Variants in LRRFIP1 observed in about 807,000 individuals in gnomAD.
LRRFIP1 encodes the protein leucine-rich repeat flightless-interacting protein 1.
Under a neutral mutation model 104.4 loss-of-function variants are expected in LRRFIP1, and 62 were observed. The ratio of observed to expected loss-of-function variants is 0.59; its 90% CI spans 0.48 to 0.73. The LOEUF is 0.73. Ranked by LOEUF, LRRFIP1 falls within the 30% of genes least tolerant of loss-of-function variation. The pLI, the probability that LRRFIP1 is intolerant of heterozygous loss-of-function variation, is 0.00. For missense variants in LRRFIP1, 796 were observed against 824.5 expected, an observed-to-expected ratio of 0.97 and a Z score of 0.42; for synonymous variants, 300 against 299.0, an observed-to-expected ratio of 1.00 and a Z score of -0.03.
At position 237,781,063 on chromosome 2, in the gene LRRFIP1, G is replaced by A. The variant is rs949726146; in HGVS notation, c.*1531G>A. Among the ~76,000 whole-genome samples the A allele has an allele frequency of 2.6e-5, 4 of 151,446 alleles. No individual in the cohort carries two copies. Among genetic ancestry groups the A allele is most frequent in the Admixed American group, 6.6e-5 (1 of 15,264 alleles). On this transcript the variant is annotated 3_prime_UTR_variant, in exon 24 of 24. Coordinates refer to ENST00000308482, the MANE Select transcript of LRRFIP1 (RefSeq NM_001137550.2). Reference sequence around the variant, plus strand: ...ACAGGAAAGAGGAAGGAAGCTGGACGAAGCCCCTCAGGGACCCTGTGCTGA... The same window carrying A: ...ACAGGAAAGAGGAAGGAAGCTGGACAAAGCCCCTCAGGGACCCTGTGCTGA...
At chr2:237,747,698 G>A (rs964810641) in intron 11 of LRRFIP1, among the ~76,000 whole-genome samples, 12 of 152,190 alleles carry the variant, frequency 7.9e-5, no homozygotes, top group Non-Finnish European at 1.5e-4. Context: ...CAATCAAAGT[G>A]AAGAAGTTCT....
intron 1 of LRRFIP1, among the ~76,000 whole-genome samples, chr2:237,639,197 C>G (rs1046510737): frequency 2.0e-4 from 31 of 152,056 alleles, no homozygotes; most frequent in African/African-American, 7.3e-4. Context: ...TGGGATGTGC[C>G]CCAGGGCTGA....
At chr2:237,761,733 C>T (rs2059891859) in intron 19 of LRRFIP1, among the ~76,000 whole-genome samples, 1 of 152,152 alleles carries the variant, frequency 6.6e-6, no homozygotes, top group Non-Finnish European at 1.5e-5. Context: ...CCTAATATTT[C>T]CCCCATTTTC....
chr2:237,710,839 A>G (rs972442158), intron 2 of LRRFIP1, among the ~76,000 whole-genome samples: 3 of 152,222 alleles, frequency 2.0e-5, no homozygotes, highest in African/African-American at 7.2e-5. Flanking sequence ...TGTGCAGTTT[A>G]AGAACCATCT....
chr2:237,748,031 A>C (rs951972541), intron 11 of LRRFIP1, among the ~76,000 whole-genome samples: 1 of 152,142 alleles, frequency 6.6e-6, no homozygotes, highest in African/African-American at 2.4e-5. Flanking sequence ...AGACACCCTC[A>C]TGGTGCAGGG....
chr2:237,708,901 C>A, intron 2 of LRRFIP1: 1 of 576,584 alleles, frequency 1.7e-6, no homozygotes. Context: ...TGCGAGGAGC[C>A]AAAATGTTCA....
rs2093748683 is a variant in LRRFIP1 at position 237,705,284 on chromosome 2, A to G, written c.97-3260A>G. Among the ~76,000 whole-genome samples, 3 of 152,176 alleles carry G rather than the reference A, an allele frequency of 2.0e-5. 1 individual carries two copies. In the South Asian group the frequency reaches 6.2e-4, roughly 32 times the overall value. The stretch of plus-strand genomic sequence containing the variant: ...ACCTCAGACCTCCTCTCCTTCTGTT[A>G]TCTGCTAGTGTGTAATAAATATCCA... On this transcript the variant is annotated intron_variant, in intron 1 of 23. Coordinates refer to ENST00000308482, the MANE Select transcript of LRRFIP1 (RefSeq NM_001137550.2).
intron 1 of LRRFIP1, among the ~76,000 whole-genome samples, chr2:237,706,739 C>T (rs1463384494): frequency 6.6e-6 from 1 of 152,190 alleles, no homozygotes; most frequent in Non-Finnish European, 1.5e-5. Context: ...GTGATCCTCC[C>T]ACCTCAGCCT....
chr2:237,665,516 C>T (rs190421357), intron 1 of LRRFIP1, among the ~76,000 whole-genome samples: 33 of 152,326 alleles, frequency 2.2e-4, no homozygotes, highest in African/African-American at 7.5e-4. Flanking sequence ...TTTTTATTAT[C>T]AGCAAAATAT....
chr2:237,747,098 G>C (rs541330811), intron 11 of LRRFIP1, among the ~76,000 whole-genome samples: 28 of 152,302 alleles, frequency 1.8e-4, no homozygotes, highest in Non-Finnish European at 3.4e-4. Context: ...GAGCCAGGCC[G>C]CAGGGTTTAG....
At chr2:237,706,987 A>G (rs2093843790) in intron 1 of LRRFIP1, among the ~76,000 whole-genome samples, 1 of 152,174 alleles carries the variant, frequency 6.6e-6, no homozygotes, top group South Asian at 2.1e-4. Context: ...AAATGGCAAC[A>G]AGGTATCAAA....
chr2:237,736,718 GA>G (rs1281546186), intron 10 of LRRFIP1, among the ~76,000 whole-genome samples: 1 of 152,184 alleles, frequency 6.6e-6, no homozygotes, highest in African/African-American at 2.4e-5. Context: ...AGAGAGTTAA[GA>G]AAACAGGAGG....
chr2:237,704,825 G>A (rs979846028), intron 1 of LRRFIP1, among the ~76,000 whole-genome samples: 9 of 152,188 alleles, frequency 5.9e-5, no homozygotes, highest in South Asian at 2.1e-4. Context: ...GTGGGCTTGC[G>A]TGTGTCCCCA....
intron 1 of LRRFIP1, among the ~76,000 whole-genome samples, chr2:237,643,942 G>C (rs2084451311): frequency 6.6e-6 from 1 of 152,186 alleles, no homozygotes; most frequent in Admixed American, 6.5e-5. Context: ...CTTCACTCTG[G>C]CCAGGGTGGT....
chr2:237,772,051 T>G, intron 20 of LRRFIP1, 30 bp from the exon 21 acceptor site: 1 of 1,505,784 alleles, frequency 6.6e-7, no homozygotes, highest in Non-Finnish European at 9.2e-7. Context: ...AGTAGAGAAA[T>G]TAACAGATTT....
chr2:237,667,367 C>T (rs1433848879), intron 1 of LRRFIP1, among the ~76,000 whole-genome samples: 2 of 152,204 alleles, frequency 1.3e-5, no homozygotes, highest in Non-Finnish European at 2.9e-5. Context: ...TCATCCATGT[C>T]CCTGCAAAGG....
At position 237,781,445 on chromosome 2, in the gene LRRFIP1, C is replaced by T. The variant is rs1419058007; in HGVS notation, c.*1913C>T. On this transcript the variant is annotated 3_prime_UTR_variant, in exon 24 of 24. Coordinates refer to ENST00000308482, the MANE Select transcript of LRRFIP1 (RefSeq NM_001137550.2). ...AGAACAGGGCTGCAAGGCATCGATT[C>T]CCAGGTGTCTCACAGCCCTGAGAAG... is the stretch of plus-strand genomic sequence containing the variant. 1.3e-5 allele frequency among the ~76,000 whole-genome samples: 2 copies of T among 152,104 alleles called. No homozygotes were observed. Among genetic ancestry groups the T allele is most frequent in the African/African-American group, 2.4e-5 (1 of 41,406 alleles).
intron 11 of LRRFIP1, among the ~76,000 whole-genome samples, chr2:237,745,445 T>A (rs2057710998): frequency 6.6e-6 from 1 of 152,244 alleles, no homozygotes; most frequent in Non-Finnish European, 1.5e-5. Flanking sequence ...GTTGTGTTCT[T>A]CGGAGCAAGG....
Position 237,749,300 on chromosome 2 carries a change from C to G in LRRFIP1, c.771C>G (p.Thr257=), listed in dbSNP as rs149501881. 6.2e-7 allele frequency: 1 copy of G among 1,613,694 alleles called. No individual in the cohort carries two copies. The highest frequency in any genetic ancestry group is 8.5e-7 in the Non-Finnish European group (1 of 1,179,956). The change falls in exon 13 of 24, where the codon ACC becomes ACG. Residue 257 remains threonine (T), a synonymous_variant. Transcript: ENST00000308482. ...GSGDTSISID[T]EASIREIKEL... is the part of the protein sequence containing the mutation. ...GAGACACCTCCATCTCCATCGACACCGAGGCATCCATCAGGGAAATCAAGG... is the reference window on the plus strand; with the variant it reads ...GAGACACCTCCATCTCCATCGACACGGAGGCATCCATCAGGGAAATCAAGG...
Sources: allele counts gnomAD v4.1 joint callset (sites outside exome capture counted in the v4.1 genomes callset), GRCh38; gene constraint gnomAD v4.1.1; transcripts MANE v1.5; gene names NCBI Gene and HGNC (gene_info 2026-07-23, HGNC 2026-07-21).